The following FOXP1 variants were observed in gnomAD, a reference collection of about 807,000 sequenced individuals.
The protein encoded by FOXP1 is forkhead box P1, also known as forkhead box protein P1.
In FOXP1, 15 loss-of-function variants were observed where a neutral mutation model predicts 98.2. That is an observed-to-expected ratio of 0.15 (90% CI 0.10 to 0.24). The LOEUF (loss-of-function observed/expected upper bound fraction) is 0.24, where lower values mean the gene tolerates loss of function less well. FOXP1 is among the 10% of genes least tolerant of loss of function. FOXP1 has a pLI of 1.00. For synonymous variants in FOXP1, 371 were observed against 314.5 expected, an observed-to-expected ratio of 1.18 and a Z score of -1.90; for missense variants, 633 against 848.5, an observed-to-expected ratio of 0.75 and a Z score of 3.15.
At chr3:71,091,855 A>T (rs889199604) in intron 7 of FOXP1, among the ~76,000 whole-genome samples, 1 of 152,200 alleles carries the variant, frequency 6.6e-6, no homozygotes, top group Non-Finnish European at 1.5e-5. Flanking sequence ...AATAAGAAAC[A>T]AAGTTCAAGG....
chr3:71,535,044 T>A (rs578152092), intron 2 of FOXP1, among the ~76,000 whole-genome samples: 1 of 152,096 alleles, frequency 6.6e-6, no homozygotes, highest in Non-Finnish European at 1.5e-5. Context: ...CATGTACCAA[T>A]GCTTGGAGAA....
chr3:71,354,797 C>T (rs750414477), intron 4 of FOXP1, among the ~76,000 whole-genome samples: 3 of 152,302 alleles, frequency 2.0e-5, no homozygotes, highest in Middle Eastern at 3.4e-3. Context: ...GTGCTTTATA[C>T]GTACCATCTA....
intron 3 of FOXP1, among the ~76,000 whole-genome samples, chr3:71,362,500 C>T (rs1051296331): frequency 2.6e-5 from 4 of 152,138 alleles, no homozygotes; most frequent in African/African-American, 9.7e-5. Context: ...GAAAGGGTCT[C>T]ACTCTGTTGC....
At chr3:71,126,689 T>C (rs1434080571) in intron 6 of FOXP1, among the ~76,000 whole-genome samples, 2 of 151,560 alleles carry the variant, frequency 1.3e-5, no homozygotes, top group Admixed American at 1.3e-4. Context: ...CCAGGTGTGA[T>C]GGTGCACACC....
chr3:71,298,783 G>A (rs2073590576), intron 5 of FOXP1, among the ~76,000 whole-genome samples: 2 of 152,220 alleles, frequency 1.3e-5, no homozygotes, highest in South Asian at 2.1e-4. Context: ...AGCCCCAGGT[G>A]AGACTTATCA....
intron 11 of FOXP1, among the ~76,000 whole-genome samples, chr3:71,022,133 T>C (rs1184383989): frequency 2.0e-5 from 3 of 152,224 alleles, no homozygotes; most frequent in Non-Finnish European, 4.4e-5. Context: ...AATTTTTGCA[T>C]ATGATATGAG....
Position 70,956,228 on chromosome 3 carries a change from C to G in FOXP1, c.*3019G>C, listed in dbSNP as rs377420906. 1 of 233,242 alleles carries G rather than the reference C, an allele frequency of 4.3e-6. No homozygotes were observed. Among genetic ancestry groups the G allele is most frequent in the Non-Finnish European group, 8.5e-6 (1 of 117,930 alleles). The allele number at this position is 233,242 out of a possible 1,614,324, so 14.4% of individuals were successfully genotyped here. On this transcript the variant is annotated 3_prime_UTR_variant, in exon 21 of 21. Coordinates refer to ENST00000649528, the MANE Select transcript of FOXP1 (RefSeq NM_001349338.3). ...AAGACAAAGATTCACACAGACACATCGGGATATATGTACAACGTAATAAAC... is the reference window on the plus strand; with the variant it reads ...AAGACAAAGATTCACACAGACACATGGGGATATATGTACAACGTAATAAAC...
At chr3:71,010,288 A>G (rs1309896400) in intron 12 of FOXP1, among the ~76,000 whole-genome samples, 3 of 152,158 alleles carry the variant, frequency 2.0e-5, no homozygotes, top group African/African-American at 4.8e-5. Flanking sequence ...GCAGTTAAGA[A>G]TAAGTCTTCT....
chr3:70,981,144 G>A (rs1386298651), intron 14 of FOXP1, among the ~76,000 whole-genome samples: 3 of 130,896 alleles, frequency 2.3e-5, no homozygotes, highest in Non-Finnish European at 4.7e-5. Context: ...GAAAGGATGT[G>A]AGCCTTGTAG....
chr3:71,371,998 T>C (rs957602034), intron 3 of FOXP1, among the ~76,000 whole-genome samples: 9 of 151,914 alleles, frequency 5.9e-5, no homozygotes, highest in Non-Finnish European at 1.3e-4. Context: ...AGGATCATTC[T>C]TTCGTCTTTT....
chr3:71,433,526 C>A (rs2084926458), intron 3 of FOXP1, among the ~76,000 whole-genome samples: 1 of 152,132 alleles, frequency 6.6e-6, no homozygotes, highest in South Asian at 2.1e-4. Flanking sequence ...AGAGGGCAGG[C>A]AGGGGAGACT....
chr3:71,148,293 C>T (rs1324490103), intron 6 of FOXP1, among the ~76,000 whole-genome samples: 1 of 152,150 alleles, frequency 6.6e-6, no homozygotes, highest in East Asian at 1.9e-4. Context: ...AAGAGAATCA[C>T]TTGAACCCGG....
chr3:71,305,144 C>T (rs946333793), intron 4 of FOXP1, among the ~76,000 whole-genome samples: 25 of 152,142 alleles, frequency 1.6e-4, no homozygotes, highest in African/African-American at 6.0e-4. Context: ...TAAAAAAAGA[C>T]TGGATTAGCC....
chr3:71,351,452 T>C (rs1406926867), intron 4 of FOXP1, among the ~76,000 whole-genome samples: 1 of 152,244 alleles, frequency 6.6e-6, no homozygotes, highest in Admixed American at 6.5e-5. Context: ...ATTGCTTATT[T>C]GTGGTCTCTT....
intron 3 of FOXP1, among the ~76,000 whole-genome samples, chr3:71,411,278 C>T (rs868820833): frequency 2.8e-5 from 4 of 141,786 alleles, no homozygotes; most frequent in South Asian, 4.6e-4. Context: ...GCTGAATGGG[C>T]GTGTGTGTGT....
At chr3:71,252,554 T>C (rs2068283508) in intron 5 of FOXP1, among the ~76,000 whole-genome samples, 1 of 130,644 alleles carries the variant, frequency 7.7e-6, no homozygotes, top group Non-Finnish European at 1.7e-5. Context: ...GTCCTTAGAG[T>C]ATCCCTGAAG....
chr3:71,318,818 T>C (rs1187303530), intron 4 of FOXP1, among the ~76,000 whole-genome samples: 1 of 152,232 alleles, frequency 6.6e-6, no homozygotes, highest in Non-Finnish European at 1.5e-5. Context: ...GTCAAGGTCC[T>C]GGTAGTAAAA....
At chr3:71,329,414 G>A (rs1453767846) in intron 4 of FOXP1, among the ~76,000 whole-genome samples, 1 of 151,532 alleles carries the variant, frequency 6.6e-6, no homozygotes, top group African/African-American at 2.4e-5. Flanking sequence ...GTAGAGACGG[G>A]GTTTCACTGT....
intron 2 of FOXP1, among the ~76,000 whole-genome samples, chr3:71,565,145 T>C (rs1292688695): frequency 6.6e-6 from 1 of 152,006 alleles, no homozygotes; most frequent in Non-Finnish European, 1.5e-5. Context: ...ACTGAGGAGT[T>C]AGGGGCTATA....
Sources: allele counts gnomAD v4.1 joint callset (sites outside exome capture counted in the v4.1 genomes callset), GRCh38; gene constraint gnomAD v4.1.1; transcripts MANE v1.5; gene names NCBI Gene and HGNC (gene_info 2026-07-23, HGNC 2026-07-21).